The following ADGRE1 variants were observed in gnomAD, a reference collection of about 807,000 sequenced individuals.
ADGRE1 encodes EGF-like module receptor 1.
Under a neutral mutation model 102.7 loss-of-function variants are expected in ADGRE1, and 82 were observed. The observed-to-expected ratio is 0.80, with a 90% CI of 0.67 to 0.96. ADGRE1 has a LOEUF of 0.96. Ranked by LOEUF, ADGRE1 falls within the 40% of genes least tolerant of loss-of-function variation. ADGRE1 has a pLI of 0.00. For missense variants in ADGRE1, 1,032 were observed against 1,085.3 expected, an observed-to-expected ratio of 0.95 and a Z score of 0.69; for synonymous variants, 398 against 399.6, an observed-to-expected ratio of 1.00 and a Z score of 0.05.
intron 2 of ADGRE1, among the ~76,000 whole-genome samples, chr19:6,892,748 G>C (rs535585934): frequency 1.3e-5 from 2 of 152,272 alleles, no homozygotes; most frequent in East Asian, 3.9e-4. Flanking sequence ...AACTCAATGT[G>C]GTCTGCATAC....
intron 5 of ADGRE1, among the ~76,000 whole-genome samples, chr19:6,898,895 A>G (rs757250937): frequency 6.6e-6 from 1 of 152,138 alleles, no homozygotes; most frequent in Non-Finnish European, 1.5e-5. Context: ...TGTAGGCAGC[A>G]CATGGTTTGG....
intron 16 of ADGRE1, 107 bp downstream of exon 16, chr19:6,926,708 A>T: frequency 1.7e-6 from 2 of 1,164,244 alleles, no homozygotes; most frequent in Non-Finnish European, 2.5e-6. Context: ...TGTGGCTACC[A>T]TTTATCGAGC....
At chr19:6,922,626 A>T (rs1431281160) in intron 14 of ADGRE1, among the ~76,000 whole-genome samples, 75 of 150,636 alleles carry the variant, frequency 5.0e-4, no homozygotes, top group African/African-American at 1.8e-3. Flanking sequence ...ACACACACAC[A>T]CACACACACA....
intron 12 of ADGRE1, among the ~76,000 whole-genome samples, chr19:6,918,828 G>A (rs1454427492): frequency 4.6e-5 from 7 of 152,196 alleles, no homozygotes; most frequent in Middle Eastern, 3.4e-3. Context: ...AGGTTCAAGC[G>A]ATTGTCGTAC....
rs772824131 is a variant in ADGRE1 at position 6,908,777 on chromosome 19, C to A, written c.1122+5C>A. The A allele has an allele frequency of 1.2e-6, 2 of 1,600,188 alleles. No individual in the cohort carries two copies. The highest frequency in any genetic ancestry group is 1.4e-5 in the African/African-American group (1 of 73,704). On this transcript the variant is annotated splice_donor_5th_base_variant and intron_variant, in intron 10 of 20. Transcript: ENST00000312053. Reference sequence around the variant, plus strand: ...ACGACCGTAGTTTCTCTGAAGGTAACGATTGGGTCTTTTAAATTGTGTTTT... The same window carrying A: ...ACGACCGTAGTTTCTCTGAAGGTAAAGATTGGGTCTTTTAAATTGTGTTTT...
intron 14 of ADGRE1, among the ~76,000 whole-genome samples, chr19:6,922,893 C>T (rs371920779): frequency 6.6e-5 from 10 of 151,824 alleles, no homozygotes; most frequent in East Asian, 1.9e-4. Context: ...CTGGCTAACA[C>T]GGTGAAACCC....
At chr19:6,916,191 C>A (rs1477987570) in intron 11 of ADGRE1, 58 bp from the exon 12 acceptor site, 1 of 1,563,702 alleles carries the variant, frequency 6.4e-7, no homozygotes, top group East Asian at 2.3e-5. Flanking sequence ...GGACAGAAAC[C>A]AAATTCAGGA....
At position 6,918,812 on chromosome 19, in the gene ADGRE1, C is replaced by T. The variant is rs370841126; in HGVS notation, c.1421-736C>T. On this transcript the variant is annotated intron_variant, in intron 12 of 20. Coordinates refer to ENST00000312053, the MANE Select transcript of ADGRE1 (RefSeq NM_001974.5). ...GGATCTTGGCTCATTGCAACCTCCG[C>T]CTCCCAGGTTCAAGCGATTGTCGTA... Among the ~76,000 whole-genome samples the T allele has an allele frequency of 6.1e-4, 93 of 152,224 alleles. 2 individuals are homozygous for T. The East Asian group carries it at 0.013, about 22-fold the overall frequency.
intron 16 of ADGRE1, among the ~76,000 whole-genome samples, chr19:6,927,075 G>A (rs1974948477): frequency 6.6e-6 from 1 of 150,820 alleles, no homozygotes; most frequent in Non-Finnish European, 1.5e-5. Context: ...AAAGTGGGGG[G>A]AATATTGGGG....
chr19:6,913,954 C>A, intron 11 of ADGRE1, 124 bp downstream of exon 11: 1 of 1,085,646 alleles, frequency 9.2e-7, no homozygotes, highest in African/African-American at 1.6e-5. Flanking sequence ...ACTTTGAATT[C>A]ACAGCAAAGC....
chr19:6,926,447 C>T lies in ADGRE1; in HGVS notation c.2068C>T (p.Leu690=), dbSNP rs755060386. Residue 690 remains leucine (L), a synonymous_variant, in exon 16 of 21, where the codon CTG becomes TTG. Transcript: ENST00000312053. ...FFWMLVEAVI[L]FLMVRNLKVV... is the part of the protein sequence containing the mutation. ...CTGGATGCTGGTGGAGGCTGTGATA[C>T]TGTTCTTGATGGTCAGAAACCTGAA... 154 of 1,614,126 alleles carry T rather than the reference C, an allele frequency of 9.5e-5. No individual in the cohort carries two copies. Among genetic ancestry groups the T allele is most frequent in the Non-Finnish European group, 1.3e-4 (149 of 1,180,058 alleles).
At chr19:6,921,924 C>A in intron 14 of ADGRE1, 41 bp downstream of exon 14, 1 of 1,566,450 alleles carries the variant, frequency 6.4e-7, no homozygotes, top group Non-Finnish European at 8.7e-7. Flanking sequence ...GAGTATCTGC[C>A]TCCAAATCCA....
chr19:6,916,919 A>C (rs1382253922), intron 12 of ADGRE1, among the ~76,000 whole-genome samples: 1 of 152,056 alleles, frequency 6.6e-6, no homozygotes, highest in Non-Finnish European at 1.5e-5. Flanking sequence ...TTACTTTTAA[A>C]AAATGTGTAC....
chr19:6,916,213 G>T, intron 11 of ADGRE1, 36 bp from the exon 12 acceptor site: 1 of 1,594,014 alleles, frequency 6.3e-7, no homozygotes, highest in South Asian at 1.1e-5. Context: ...TGACTTTCTG[G>T]GTGACCTCAT....
At chr19:6,909,041 G>A (rs918867587) in intron 10 of ADGRE1, among the ~76,000 whole-genome samples, 1 of 151,696 alleles carries the variant, frequency 6.6e-6, no homozygotes, top group Non-Finnish European at 1.5e-5. Context: ...GGCTGAAGCA[G>A]GACGATTGCT....
chr19:6,925,235 C>T (rs1236743035), intron 15 of ADGRE1, among the ~76,000 whole-genome samples: 7 of 152,214 alleles, frequency 4.6e-5, no homozygotes, highest in Non-Finnish European at 1.0e-4. Flanking sequence ...ATTCTCCTGC[C>T]TCAGCCTCCT....
rs1973545306 is a variant in ADGRE1 at position 6,896,212 on chromosome 19, CT to C, written c.95-185del. ...ATCTTAACTTTTATCTTAATTGCATCTACAAAGACCCAGTTTCCAAATAAGA... is the reference window on the plus strand; with the variant it reads ...ATCTTAACTTTTATCTTAATTGCATCACAAAGACCCAGTTTCCAAATAAGA... On this transcript the variant is annotated intron_variant, in intron 2 of 20. Transcript: ENST00000312053. 8.8e-6 allele frequency: 5 copies of C among 569,042 alleles called. No individual in the cohort carries two copies. In the South Asian group the frequency reaches 1.3e-4, roughly 15 times the overall value. 35.2% of individuals were successfully genotyped at this position (569,042 alleles called of 1,614,324 possible).
intron 16 of ADGRE1, 147 bp from the exon 17 acceptor site, chr19:6,927,998 A>C (rs1974990045): frequency 2.0e-6 from 2 of 990,624 alleles, no homozygotes; most frequent in Non-Finnish European, 1.5e-6. Flanking sequence ...GATCTAAAGG[A>C]AACTGAACTG....
At chr19:6,890,994 G>A (rs555245906) in intron 2 of ADGRE1, among the ~76,000 whole-genome samples, 8 of 152,212 alleles carry the variant, frequency 5.3e-5, no homozygotes, top group African/African-American at 1.9e-4. Context: ...CTGGATAAAG[G>A]AAGAAAGACA....
Sources: gnomAD v4.1 joint callset for allele counts (sites outside exome capture counted in the v4.1 genomes callset) on GRCh38, gnomAD v4.1.1 for gene constraint, MANE v1.5 for transcripts, NCBI Gene and HGNC (gene_info 2026-07-23, HGNC 2026-07-21) for gene names.